Variants in ABCB6 observed in about 807,000 individuals in gnomAD.
ABCB6 encodes the protein ATP binding cassette subfamily B member 6 (LAN blood group), also known as ATP-binding cassette sub-family B member 6.
ABCB6 carries 87 observed loss-of-function variants against 99.4 expected under a neutral mutation model. The observed-to-expected ratio is 0.88, with a 90% CI of 0.74 to 1.05. The LOEUF (loss-of-function observed/expected upper bound fraction) is 1.05, where lower values mean the gene tolerates loss of function less well. Ranked by LOEUF, ABCB6 falls within the 50% of genes least tolerant of loss-of-function variation. The pLI is 0.00. For missense variants in ABCB6, 1,050 were observed against 1,097.9 expected (o/e 0.96, Z 0.62); for synonymous variants, 482 against 447.5 (o/e 1.08, Z -0.97).
intron 14 of ABCB6, among the ~76,000 whole-genome samples, chr2:219,211,989 T>C (rs1282528351): frequency 6.6e-6 from 1 of 151,970 alleles, no homozygotes; most frequent in East Asian, 1.9e-4. Context: ...GGTCTCGATC[T>C]CCTGACCTTG....
Position 219,210,938 on chromosome 2 carries a change from A to G in ABCB6, c.2139T>C (p.Pro713=). 6.2e-7 allele frequency: 1 copy of G among 1,614,178 alleles called. No homozygotes were observed. The highest frequency in any genetic ancestry group is 1.3e-5 in the African/African-American group (1 of 75,052). Residue 713 remains proline (P), a synonymous_variant, in exon 15 of 19, where the codon CCT becomes CCC. Coordinates refer to ENST00000265316, the MANE Select transcript of ABCB6 (RefSeq NM_005689.4). ...AGIHDAIMAF[P]EGYRTQVGER... ...CTCTGCAAAGGAATCTCTCACCTTC[A>G]GGGAAAGCCATAATGGCATCATGGA...
In ABCB6 at chr2:219,218,842, A is replaced by C; in HGVS notation, c.-169T>G. Reference sequence around the variant, plus strand: ...GCACGTGGACCAGGCCTCACCGCCCACTCCCCTAGCGCACGCGCCGCCGCC... The same window carrying C: ...GCACGTGGACCAGGCCTCACCGCCCCCTCCCCTAGCGCACGCGCCGCCGCC... On this transcript the variant is annotated 5_prime_UTR_variant, in exon 1 of 19. Coordinates refer to ENST00000265316, the MANE Select transcript of ABCB6 (RefSeq NM_005689.4). 3 of 682,184 alleles carry C rather than the reference A, an allele frequency of 4.4e-6. No individual in the cohort carries two copies. Among genetic ancestry groups the C allele is most frequent in the Non-Finnish European group, 4.6e-6 (2 of 438,650 alleles). The allele number at this position is 682,184 out of a possible 1,614,324, so 42.3% of individuals were successfully genotyped here.
At position 219,216,338 on chromosome 2, in the gene ABCB6, C is replaced by T. The variant is rs1950641415; in HGVS notation, c.970+26G>A. ...GCCTGTGGGAGGGACCTATACCTAG[C>T]AGGGTGAGGGCGGAGTCTCTCATAC... On this transcript the variant is annotated intron_variant, in intron 4 of 18. Coordinates refer to ENST00000265316, the MANE Select transcript of ABCB6 (RefSeq NM_005689.4). This position sits in a 1 kb window ranked among gnomAD's most constrained non-coding sequence, Gnocchi z 4.2. 3 of 1,605,908 alleles carry T rather than the reference C, an allele frequency of 1.9e-6. No individual in the cohort carries two copies. Among genetic ancestry groups the T allele is most frequent in the East Asian group, 4.5e-5 (2 of 44,826 alleles).
At position 219,216,051 on chromosome 2, in the gene ABCB6, C is replaced by A; in HGVS notation, c.1100G>T (p.Gly367Val). Residue 367 changes from glycine to valine, a missense_variant, in exon 5 of 19, where the codon GGG (glycine) becomes GTG (valine). Coordinates refer to ENST00000265316, the MANE Select transcript of ABCB6 (RefSeq NM_005689.4). This position sits in a 1 kb window ranked among gnomAD's most constrained non-coding sequence, Gnocchi z 4.2. ...SLRWHLGRRT[G>V]EVLRIADRGT... ...CCGATCCGCGATCCGCAGCACCTCC[C>A]CTGTGCGGCGCCCCAGGTGCCAGCG... 6.2e-7 allele frequency: 1 copy of A among 1,608,330 alleles called. No individual in the cohort carries two copies. The highest frequency in any genetic ancestry group is 8.5e-7 in the Non-Finnish European group (1 of 1,177,668).
chr2:219,215,509 G>A (rs553506787), intron 5 of ABCB6: 24 of 177,722 alleles, frequency 1.4e-4, no homozygotes, highest in Non-Finnish European at 2.6e-4. Context: ...TGGAATGCTA[G>A]GTGGGCAGAT....
Position 219,211,079 on chromosome 2 carries a change from A to C in ABCB6, c.1998T>G (p.Ile666Met), listed in dbSNP as rs747789288. 4.3e-6 allele frequency: 7 copies of C among 1,614,058 alleles called. No homozygotes were observed. Among genetic ancestry groups the C allele is most frequent in the Non-Finnish European group, 5.1e-6 (6 of 1,180,038 alleles). ...QVTQASLRSHIGVVPQDTVLF... is the reference protein window; with the variant it reads ...QVTQASLRSHMGVVPQDTVLF... ...GGACAGTGTCTTGGGGCACAACTCC[A>C]ATGTGAGACCGGAGAGAGGCCTGGG... Residue 666 changes from isoleucine to methionine, a missense_variant, in exon 15 of 19, where the codon ATT (isoleucine) becomes ATG (methionine). By Grantham distance (10) the Ile-to-Met change is conservative. Transcript: ENST00000265316.
Position 219,215,271 on chromosome 2 carries a change from CAATG to C in ABCB6, c.1155-193_1155-190del, listed in dbSNP as rs997270290. 4.7e-5 allele frequency: 30 copies of C among 642,468 alleles called. No individual in the cohort carries two copies. The Admixed American group carries it at 6.9e-4, about 15-fold the overall frequency. The allele number at this position is 642,468 out of a possible 1,614,324, so 39.8% of individuals were successfully genotyped here. Reference sequence around the variant, plus strand: ...ACTACAGAATTCTCTGTATCAATTACAATGAATGAGGGAGACCTTCAGGCATGGA... The same window carrying C: ...ACTACAGAATTCTCTGTATCAATTACAATGAGGGAGACCTTCAGGCATGGA... On this transcript the variant is annotated intron_variant, in intron 5 of 18. Transcript: ENST00000265316.
At position 219,213,265 on chromosome 2, in the gene ABCB6, TTC is replaced by T. The variant is rs748036945; in HGVS notation, c.1779_1780del (p.Asn594ArgfsTer83). The T allele has an allele frequency of 6.2e-7, 1 of 1,613,960 alleles. No homozygotes were observed. Among genetic ancestry groups the T allele is most frequent in the African/African-American group, 1.3e-5 (1 of 74,888 alleles). On this transcript the variant is annotated frameshift_variant, in exon 12 of 19. Coordinates refer to ENST00000265316, the MANE Select transcript of ABCB6 (RefSeq NM_005689.4). LOFTEE classifies it high-confidence loss of function. Reference sequence around the variant, plus strand: ...CCCATCGGCATAGCTGAAGTGCACGTTCTCAAACTCAATACGGCCCTTCTGAA... The same window carrying T: ...CCCATCGGCATAGCTGAAGTGCACGTTCAAACTCAATACGGCCCTTCTGAA...
Position 219,214,661 on chromosome 2 carries a change from T to C in ABCB6, c.1277-163A>G, listed in dbSNP as rs190405759. On this transcript the variant is annotated intron_variant, in intron 6 of 18. Coordinates refer to ENST00000265316, the MANE Select transcript of ABCB6 (RefSeq NM_005689.4). ...TCTGCAGCCTGCACAAAGTCTCATG[T>C]GTAGAAAACGCTTTTGGTAAATGAA... 3.9e-5 allele frequency: 25 copies of C among 647,082 alleles called. No individual in the cohort carries two copies. The East Asian group carries it at 6.0e-4, about 16-fold the overall frequency. The allele number at this position is 647,082 out of a possible 1,614,324, so 40.1% of individuals were successfully genotyped here. A position where few individuals can be genotyped will look rare whatever the true frequency, so the allele number is the denominator to read the frequency against.
At position 219,217,754 on chromosome 2, in the gene ABCB6, G is replaced by A. The variant is rs1486985500; in HGVS notation, c.603C>T (p.Val201=). The A allele has an allele frequency of 6.2e-7, 1 of 1,613,866 alleles. No individual in the cohort carries two copies. Among genetic ancestry groups the A allele is most frequent in the African/African-American group, 1.3e-5 (1 of 74,878 alleles). ...LRYVVSGGLF[V]LGLWAPGLRP... ...GAAGTCCAGGGGCCCAGAGACCCAGGACAAACAGCCCTCCAGAGACCACAT... is the reference window on the plus strand; with the variant it reads ...GAAGTCCAGGGGCCCAGAGACCCAGAACAAACAGCCCTCCAGAGACCACAT... The change falls in exon 2 of 19, where the codon GTC becomes GTT. Residue 201 remains valine (V), a synonymous_variant. Transcript: ENST00000265316.
intron 14 of ABCB6, among the ~76,000 whole-genome samples, 200 bp from the exon 15 acceptor site, chr2:219,211,308 G>A (rs1476672072): frequency 6.6e-6 from 1 of 152,184 alleles, no homozygotes; most frequent in Non-Finnish European, 1.5e-5. Flanking sequence ...TGCTGCAGAT[G>A]TTTTGTTTTG....
intron 1 of ABCB6, 36 bp from the exon 2 acceptor site, chr2:219,217,843 G>C: frequency 6.3e-7 from 1 of 1,599,186 alleles, no homozygotes; most frequent in Non-Finnish European, 8.5e-7. Context: ...GTATCATTGA[G>C]GATAAAATTT....
chr2:219,218,025 T>C, intron 1 of ABCB6, 100 bp downstream of exon 1: 2 of 1,456,640 alleles, frequency 1.4e-6, no homozygotes, highest in Non-Finnish European at 1.8e-6. Flanking sequence ...TCCCTTTGCT[T>C]AGAGGCATCC....
Position 219,213,066 on chromosome 2 carries a change from C to A in ABCB6, c.1806-1G>T, listed in dbSNP as rs1220389122. The A allele has an allele frequency of 6.2e-7, 1 of 1,613,788 alleles. No individual in the cohort carries two copies. The highest frequency in any genetic ancestry group is 8.5e-7 in the Non-Finnish European group (1 of 1,179,880). On this transcript the variant is annotated splice_acceptor_variant, in intron 12 of 18. Transcript: ENST00000265316. LOFTEE classifies it high-confidence loss of function. Reference sequence around the variant, plus strand: ...AGACACGTCCTGCAGAGTCTCCCGCCTGCAAGGAAAGGTGGGGTTGCTCAG... The same window carrying A: ...AGACACGTCCTGCAGAGTCTCCCGCATGCAAGGAAAGGTGGGGTTGCTCAG...
At chr2:219,217,625 A>T (rs1262192639) in intron 2 of ABCB6, 45 bp downstream of exon 2, 1 of 1,514,956 alleles carries the variant, frequency 6.6e-7, no homozygotes, top group East Asian at 2.3e-5. Context: ...GCCTGGTGAC[A>T]GAGCAAGACT....
chr2:219,210,985 C>G lies in ABCB6; in HGVS notation c.2092G>C (p.Ala698Pro). ...TGGATGCCTGCAGCCTGAGCAGCAG[C>G]CTCCACCTCATCATTCCCAGCTGTG... is the stretch of plus-strand genomic sequence containing the variant. ...RVTAGNDEVE[A>P]AAQAAGIHDA... Residue 698 changes from alanine (A) to proline (P), a missense_variant, in exon 15 of 19, where the codon GCT becomes CCT. Coordinates refer to ENST00000265316, the MANE Select transcript of ABCB6 (RefSeq NM_005689.4). The G allele has an allele frequency of 6.2e-7, 1 of 1,614,210 alleles. No homozygotes were observed. Among genetic ancestry groups the G allele is most frequent in the Non-Finnish European group, 8.5e-7 (1 of 1,180,036 alleles).
chr2:219,217,997 G>A lies in ABCB6; in HGVS notation c.549+128C>T, dbSNP rs1045278750. On this transcript the variant is annotated intron_variant, in intron 1 of 18. Coordinates refer to ENST00000265316, the MANE Select transcript of ABCB6 (RefSeq NM_005689.4). The stretch of plus-strand genomic sequence containing the variant: ...CCAGCTGGCTATCAGCTCCCGGCAG[G>A]ACTCAGCCCCTCCCTTCTCCCTTTG... 19 of 1,379,354 alleles carry A rather than the reference G, an allele frequency of 1.4e-5. No homozygotes were observed. The African/African-American group carries it at 2.8e-4, about 20-fold the overall frequency. The allele number at this position is 1,379,354 out of a possible 1,614,324, so 85.4% of individuals were successfully genotyped here. A position where few individuals can be genotyped will look rare whatever the true frequency, so the allele number is the denominator to read the frequency against.
At chr2:219,215,726 G>A in intron 5 of ABCB6, 2 of 318,622 alleles carry the variant, frequency 6.3e-6, no homozygotes, top group Non-Finnish European at 1.1e-5. Flanking sequence ...GGGTGACAGA[G>A]CGTGACCCTG....
chr2:219,218,855 A>T lies in ABCB6; in HGVS notation c.-182T>A. The T allele has an allele frequency of 1.6e-6, 1 of 621,238 alleles. No individual in the cohort carries two copies. The highest frequency in any genetic ancestry group is 2.6e-6 in the Non-Finnish European group (1 of 384,712). 38.5% of individuals were successfully genotyped at this position (621,238 alleles called of 1,614,324 possible). ...GCCTCACCGCCCACTCCCCTAGCGCACGCGCCGCCGCCACGCACTCACGCA... is the reference window on the plus strand; with the variant it reads ...GCCTCACCGCCCACTCCCCTAGCGCTCGCGCCGCCGCCACGCACTCACGCA... On this transcript the variant is annotated 5_prime_UTR_variant, in exon 1 of 19. Transcript: ENST00000265316.
Sources: gnomAD v4.1 joint callset for allele counts (sites outside exome capture counted in the v4.1 genomes callset) on GRCh38, gnomAD v4.1.1 for gene constraint, Gnocchi (gnomAD v3.1) non-coding constraint, MANE v1.5 for transcripts, NCBI Gene and HGNC (gene_info 2026-07-23, HGNC 2026-07-21) for gene names.